The following ZNF254 variants were observed in gnomAD, a reference collection of about 807,000 sequenced individuals.
ZNF254 encodes zinc finger protein 254.
A neutral mutation model predicts 12.4 loss-of-function variants in ZNF254; 10 were observed. The ratio of observed to expected loss-of-function variants is 0.80; its 90% confidence interval spans 0.50 to 1.36. The LOEUF (loss-of-function observed/expected upper bound fraction) is 1.36, where lower values mean the gene tolerates loss of function less well. Among genes scored for constraint, ZNF254 ranks in the 40% most tolerant of loss-of-function variants. ZNF254 has a pLI of 0.00. For synonymous variants in ZNF254, 305 were observed against 253.4 expected, an observed-to-expected ratio of 1.20 and a Z score of -1.93; for missense variants, 996 against 763.9, an observed-to-expected ratio of 1.30 and a Z score of -3.58.
At chr19:24,090,600 C>G (rs924050563) in intron 1 of ZNF254, among the ~76,000 whole-genome samples, 3 of 152,054 alleles carry the variant, frequency 2.0e-5, no homozygotes, top group Non-Finnish European at 4.4e-5. Flanking sequence ...CCACACTCAG[C>G]TAGTTTCTGT....
rs943706729 is a variant in ZNF254, at chr19:24,123,609, C to T, written c.254-2645C>T. On this transcript the variant is annotated intron_variant, in intron 3 of 3. Transcript: ENST00000357002. ...TGTGAGACACACACACACACACCTGCGTGCGTGCACAAACACATACACACA... is the reference window on the plus strand; with the variant it reads ...TGTGAGACACACACACACACACCTGTGTGCGTGCACAAACACATACACACA... 2.6e-4 allele frequency among the ~76,000 whole-genome samples: 40 copies of T among 152,104 alleles called. 1 individual carries two copies. Among genetic ancestry groups the T allele is most frequent in the South Asian group, 8.3e-4 (4 of 4,814 alleles).
Position 24,106,590 on chromosome 19 carries a change from A to G in ZNF254, c.200A>G (p.Gln67Arg). ...CCAGACCTGATCACCTGTCTGGAAC[A>G]AGGGAAAGAGCCCTGGAATATGAAG... ...SKPDLITCLE[Q>R]GKEPWNMKRH... Residue 67 changes from glutamine (Q) to arginine (R), a missense_variant, in exon 3 of 4, where the codon CAA (glutamine) becomes CGA (arginine). Gln to Arg is a conservative substitution (Grantham distance 43). Coordinates refer to ENST00000357002, the MANE Select transcript of ZNF254 (RefSeq NM_203282.4). The G allele has an allele frequency of 6.3e-7, 1 of 1,585,490 alleles. No homozygotes were observed. Among genetic ancestry groups the G allele is most frequent in the Non-Finnish European group, 8.6e-7 (1 of 1,164,004 alleles).
At chr19:24,079,745 C>T (rs966817589) in intron 2 of ZNF254, 2 of 152,024 alleles carry the variant, frequency 1.3e-5, no homozygotes, top group Admixed American at 6.6e-5. Context: ...GCTTGCAACC[C>T]GAACCATAAT....
At chr19:24,052,230 G>A (rs144391523) in intron 2 of ZNF254, among the ~76,000 whole-genome samples, 1 of 152,362 alleles carries the variant, frequency 6.6e-6, no homozygotes, top group Non-Finnish European at 1.5e-5. Flanking sequence ...ATTGTGTGTT[G>A]TGACATGCCT....
At chr19:24,112,902 C>T (rs1358477457) in intron 3 of ZNF254, among the ~76,000 whole-genome samples, 2 of 152,140 alleles carry the variant, frequency 1.3e-5, no homozygotes, top group East Asian at 3.8e-4. Context: ...ACTACAAACA[C>T]CTCTATGCAA....
intron 3 of ZNF254, among the ~76,000 whole-genome samples, chr19:24,111,760 A>G (rs1377684373): frequency 1.3e-5 from 2 of 151,392 alleles, no homozygotes; most frequent in Non-Finnish European, 3.0e-5. Flanking sequence ...TCTTTTGAGA[A>G]GTGTCTGTTC....
intron 2 of ZNF254, among the ~76,000 whole-genome samples, chr19:24,056,497 C>T (rs1358621875): frequency 6.6e-6 from 1 of 152,102 alleles, no homozygotes; most frequent in Admixed American, 6.5e-5. Context: ...GCCAATGTGA[C>T]ATTACTGTTT....
chr19:24,103,545 G>A (rs1028421167), intron 1 of ZNF254, among the ~76,000 whole-genome samples: 3 of 152,178 alleles, frequency 2.0e-5, no homozygotes, highest in African/African-American at 4.8e-5. Flanking sequence ...GGGTGAAAGC[G>A]TCTATTTGTT....
At chr19:24,083,192 A>G (rs1971911409), upstream of ZNF254, among the ~76,000 whole-genome samples, 1 of 152,214 alleles carries the variant, frequency 6.6e-6, no homozygotes, top group Non-Finnish European at 1.5e-5. Context: ...TATTTAAATC[A>G]AGAACTCAAC....
chr19:24,087,446 C>A, intron 1 of ZNF254, 109 bp downstream of exon 1: 1 of 1,409,070 alleles, frequency 7.1e-7, no homozygotes, highest in Non-Finnish European at 1.0e-6. Flanking sequence ...CCACAATCTG[C>A]GCCCAGCTCG....
chr19:24,038,526 T>C (rs1230231074), intron 1 of ZNF254, among the ~76,000 whole-genome samples: 1 of 152,190 alleles, frequency 6.6e-6, no homozygotes, highest in Non-Finnish European at 1.5e-5. Flanking sequence ...CAGTTGTGTA[T>C]AATTTTTCTG....
intron 2 of ZNF254, among the ~76,000 whole-genome samples, chr19:24,050,690 G>C (rs1160808152): frequency 6.6e-6 from 1 of 152,134 alleles, no homozygotes; most frequent in Non-Finnish European, 1.5e-5. Context: ...CTTCTCCCTG[G>C]GACCTGTCCA....
Position 24,106,620 on chromosome 19 carries a change from A to AT in ZNF254, c.231dup (p.Glu78Ter), listed in dbSNP as rs1568460403. On this transcript the variant is annotated frameshift_variant, in exon 3 of 4. Transcript: ENST00000357002. LOFTEE classifies it low-confidence loss of function (END_TRUNC). ...AAAGAGCCCTGGAATATGAAGCGAC[A>AT]TGAGATGGTGGATGAACCCCCAGGT... 1 of 1,582,924 alleles carries AT rather than the reference A, an allele frequency of 6.3e-7. No homozygotes were observed. Among genetic ancestry groups the AT allele is most frequent in the Non-Finnish European group, 8.6e-7 (1 of 1,162,482 alleles).
chr19:24,123,303 G>T (rs943763912), intron 3 of ZNF254, among the ~76,000 whole-genome samples: 1 of 152,040 alleles, frequency 6.6e-6, no homozygotes, highest in African/African-American at 2.4e-5. Context: ...AAAAAGTTTG[G>T]TAAGACTTCC....
At chr19:24,097,915 C>T (rs937341541) in intron 1 of ZNF254, among the ~76,000 whole-genome samples, 9 of 151,954 alleles carry the variant, frequency 5.9e-5, no homozygotes, top group African/African-American at 1.7e-4. Context: ...CTATTTATTA[C>T]TTCAGTACAA....
intron 1 of ZNF254, among the ~76,000 whole-genome samples, chr19:24,094,044 A>C (rs1299887900): frequency 6.6e-6 from 1 of 152,016 alleles, no homozygotes; most frequent in Non-Finnish European, 1.5e-5. Flanking sequence ...TTGTGAAGGG[A>C]TTGTGTTTAT....
chr19:24,040,847 G>A (rs117810864), intron 1 of ZNF254, among the ~76,000 whole-genome samples: 2,330 of 152,302 alleles, frequency 0.015, 25 homozygotes, highest in Non-Finnish European at 0.024. Context: ...GGTCTTCACT[G>A]TAACAAAAAG....
chr19:24,045,904 G>GA (rs962835169), intron 1 of ZNF254, among the ~76,000 whole-genome samples: 36 of 148,982 alleles, frequency 2.4e-4, no homozygotes, highest in African/African-American at 4.2e-4. Flanking sequence ...TTGCTTTCAG[G>GA]AAAAAAAAAA....
chr19:24,066,698 CAA>C (rs1971282985), intron 2 of ZNF254: 1 of 110,500 alleles, frequency 9.0e-6, no homozygotes, highest in African/African-American at 5.9e-5. Flanking sequence ...CAAAACAAAA[CAA>C]AACAAAACAA....
Sources: allele counts gnomAD v4.1 joint callset (sites outside exome capture counted in the v4.1 genomes callset), GRCh38; gene constraint gnomAD v4.1.1; transcripts MANE v1.5; gene names NCBI Gene and HGNC (gene_info 2026-07-23, HGNC 2026-07-21).